MAP4K3: variants seen among roughly 807,000 people sequenced by gnomAD.
The protein encoded by MAP4K3 is MAPK/ERK kinase kinase kinase 3.
A neutral mutation model predicts 143.5 loss-of-function variants in MAP4K3; 94 were observed. The observed-to-expected ratio is 0.65, with a 90% CI of 0.55 to 0.78. The LOEUF is 0.78. Among genes scored for constraint, MAP4K3 ranks in the 30% least tolerant of loss-of-function variants. The pLI is 0.00. For synonymous variants in MAP4K3, 416 were observed against 347.2 expected (o/e 1.20, Z -2.20); for missense variants, 1,077 against 1,068.1 (o/e 1.01, Z -0.12).
chr2:39,271,097 G>C (rs562914623), intron 26 of MAP4K3, among the ~76,000 whole-genome samples: 1 of 151,668 alleles, frequency 6.6e-6, no homozygotes, highest in African/African-American at 2.4e-5. Context: ...CAATGATCCA[G>C]GATTTAAATT....
chr2:39,261,719 T>C (rs183489357), intron 28 of MAP4K3, among the ~76,000 whole-genome samples: 49 of 152,264 alleles, frequency 3.2e-4, no homozygotes, highest in African/African-American at 1.1e-3. Flanking sequence ...TAAAAAATTA[T>C]ATATAGACAA....
chr2:39,437,197 C>CCCG lies in MAP4K3; in HGVS notation c.-213_-211dup, dbSNP rs1317007114. The CCCG allele has an allele frequency of 5.9e-6, 2 of 338,998 alleles. No individual in the cohort carries two copies. The highest frequency in any genetic ancestry group is 4.4e-5 in the African/African-American group (2 of 45,902). 21.0% of individuals were successfully genotyped at this position (338,998 alleles called of 1,614,324 possible). Reference sequence around the variant, plus strand: ...GGCCAATCGTCCCCGCCCCCCGCGGCCCGCCGCCGCGCCGAACCTGGTCAC... The same window carrying CCCG: ...GGCCAATCGTCCCCGCCCCCCGCGGCCCGCCGCCGCCGCGCCGAACCTGGTCAC... On this transcript the variant is annotated 5_prime_UTR_variant, in exon 1 of 34. Coordinates refer to ENST00000263881, the MANE Select transcript of MAP4K3 (RefSeq NM_003618.4).
At chr2:39,337,404 A>C (rs1664998862) in intron 5 of MAP4K3, 122 bp downstream of exon 5, 1 of 616,750 alleles carries the variant, frequency 1.6e-6, no homozygotes, top group Admixed American at 2.9e-5. Flanking sequence ...ATGTATTAAA[A>C]CTCATTTTAA....
chr2:39,327,778 G>C (rs529799632), intron 8 of MAP4K3, among the ~76,000 whole-genome samples: 9 of 152,160 alleles, frequency 5.9e-5, no homozygotes, highest in Non-Finnish European at 1.0e-4. Context: ...ATTCCAAGTA[G>C]CTGGTAGAAA....
chr2:39,365,861 T>C (rs1665908541), intron 2 of MAP4K3, among the ~76,000 whole-genome samples: 2 of 152,238 alleles, frequency 1.3e-5, no homozygotes, highest in Non-Finnish European at 2.9e-5. Context: ...TCTTCCCATT[T>C]CCATTCTATT....
intron 8 of MAP4K3, 110 bp downstream of exon 8, chr2:39,331,807 G>T: frequency 3.4e-6 from 2 of 594,358 alleles, no homozygotes; most frequent in South Asian, 4.1e-5. Context: ...GCCTGTTGAT[G>T]ACTTTTTTCT....
At chr2:39,293,030 T>C (rs959710512) in intron 17 of MAP4K3, among the ~76,000 whole-genome samples, 200 bp downstream of exon 17, 1 of 152,028 alleles carries the variant, frequency 6.6e-6, no homozygotes, top group South Asian at 2.1e-4. Context: ...GGTGGAAAGA[T>C]CGCTTGAGCC....
intron 28 of MAP4K3, 117 bp downstream of exon 28, chr2:39,265,086 A>G: frequency 2.6e-6 from 2 of 763,104 alleles, no homozygotes; most frequent in Non-Finnish European, 4.3e-6. Context: ...ACCCTGCCAC[A>G]TTATCTAAAA....
chr2:39,299,090 C>T (rs758873846), intron 16 of MAP4K3, among the ~76,000 whole-genome samples: 1 of 151,732 alleles, frequency 6.6e-6, no homozygotes, highest in South Asian at 2.1e-4. Context: ...AATTTATCCA[C>T]AAACTTAGAA....
At chr2:39,366,303 T>G (rs1665921972) in intron 2 of MAP4K3, among the ~76,000 whole-genome samples, 1 of 151,924 alleles carries the variant, frequency 6.6e-6, no homozygotes. Flanking sequence ...GGCTTCCAGG[T>G]TAGAGGGAGA....
At chr2:39,402,299 C>T (rs1388328821) in intron 1 of MAP4K3, among the ~76,000 whole-genome samples, 2 of 152,058 alleles carry the variant, frequency 1.3e-5, no homozygotes, top group East Asian at 3.9e-4. Context: ...GGGATAACTT[C>T]AAGTAGACTA....
intron 12 of MAP4K3, among the ~76,000 whole-genome samples, chr2:39,320,481 T>C (rs1344089903): frequency 6.6e-6 from 1 of 152,166 alleles, no homozygotes; most frequent in African/African-American, 2.4e-5. Context: ...TAATGATTTA[T>C]GGTACTTTTT....
At chr2:39,269,865 G>C (rs893815058) in intron 26 of MAP4K3, among the ~76,000 whole-genome samples, 7 of 152,222 alleles carry the variant, frequency 4.6e-5, no homozygotes, top group Admixed American at 3.3e-4. Context: ...ATTAGGAAAA[G>C]TTTTACATTA....
rs768431438 is a variant in MAP4K3 at position 39,286,959 on chromosome 2, C to T, written c.1480G>A (p.Gly494Arg). 6.3e-7 allele frequency: 1 copy of T among 1,584,236 alleles called. No individual in the cohort carries two copies. The highest frequency in any genetic ancestry group is 1.3e-5 in the African/African-American group (1 of 74,386). The change falls in exon 21 of 34, where the codon GGA (glycine) becomes AGA (arginine). Residue 494 changes from glycine to arginine, a missense_variant. Gly to Arg is a moderately radical substitution (Grantham distance 125, BLOSUM62 -2). Coordinates refer to ENST00000263881, the MANE Select transcript of MAP4K3 (RefSeq NM_003618.4). Reference sequence around the variant, plus strand: ...CCATTTAACTGGAAGGAGCTCATTCCATTTCCTTCAATAAGATATATTCAT... The same window carrying T: ...CCATTTAACTGGAAGGAGCTCATTCTATTTCCTTCAATAAGATATATTCAT... ...PPHKPVALGN[G>R]MSSFQLNGER...
intron 8 of MAP4K3, 121 bp downstream of exon 8, chr2:39,331,796 T>G: frequency 1.9e-6 from 1 of 527,572 alleles, no homozygotes; most frequent in East Asian, 2.9e-5. Context: ...TGAATTACTT[T>G]GCCTGTTGAT....
In MAP4K3 at chr2:39,250,248, T is replaced by C. The variant is rs1680096747; in HGVS notation, c.*370A>G. On this transcript the variant is annotated 3_prime_UTR_variant, in exon 34 of 34. Coordinates refer to ENST00000263881, the MANE Select transcript of MAP4K3 (RefSeq NM_003618.4). ...ATATACTAAAGAATTCTTAAAATAT[T>C]AACCCCAATTGCATTTTCATCAACA... The C allele has an allele frequency of 6.2e-6, 1 of 162,222 alleles. No homozygotes were observed. Among genetic ancestry groups the C allele is most frequent in the South Asian group, 2.0e-4 (1 of 4,940 alleles). The allele number at this position is 162,222 out of a possible 1,614,324, so 10.0% of individuals were successfully genotyped here.
intron 1 of MAP4K3, among the ~76,000 whole-genome samples, chr2:39,395,134 C>T (rs907183898): frequency 1.3e-5 from 2 of 152,082 alleles, no homozygotes; most frequent in African/African-American, 4.8e-5. Flanking sequence ...GAGATGAATG[C>T]CATTGTTCCC....
chr2:39,390,772 TAA>T (rs5830564), intron 1 of MAP4K3, among the ~76,000 whole-genome samples: 5,671 of 148,826 alleles, frequency 0.038, 146 homozygotes, highest in South Asian at 0.067. Flanking sequence ...ACATAAAAAT[TAA>T]AAAAAAAAAA....
intron 1 of MAP4K3, among the ~76,000 whole-genome samples, chr2:39,380,104 G>GT (rs1216960066): frequency 1.3e-5 from 2 of 151,830 alleles, no homozygotes; most frequent in African/African-American, 2.4e-5. Context: ...TTAAATTACA[G>GT]TTTTTTAGGG....
Sources: allele counts gnomAD v4.1 joint callset (sites outside exome capture counted in the v4.1 genomes callset), GRCh38; gene constraint gnomAD v4.1.1; transcripts MANE v1.5; gene names NCBI Gene and HGNC (gene_info 2026-07-23, HGNC 2026-07-21).